IPMK: variants seen among roughly 807,000 people sequenced by gnomAD.
IPMK encodes inositol polyphosphate multikinase, also known as inositol 1,3,4,6-tetrakisphosphate 5-kinase.
IPMK carries 17 observed loss-of-function variants against 45.8 expected under a neutral mutation model. The ratio of observed to expected loss-of-function variants is 0.37; its 90% CI spans 0.25 to 0.56. The LOEUF is 0.56. Ranked by LOEUF, IPMK falls within the 20% of genes least tolerant of loss-of-function variation. IPMK has a pLI of 0.79. For synonymous variants in IPMK, 180 were observed against 184.3 expected (o/e 0.98, Z 0.19); for missense variants, 399 against 498.0 (o/e 0.80, Z 1.89).
At chr10:58,234,645 C>G (rs543888166) in intron 2 of IPMK, among the ~76,000 whole-genome samples, 1 of 152,290 alleles carries the variant, frequency 6.6e-6, no homozygotes, top group East Asian at 1.9e-4. Flanking sequence ...CCCTTCCTTA[C>G]ACCTTATACA....
chr10:58,207,790 G>A (rs1260820629), intron 4 of IPMK, among the ~76,000 whole-genome samples: 1 of 152,082 alleles, frequency 6.6e-6, no homozygotes, highest in African/African-American at 2.4e-5. Context: ...TGCGTTTCTT[G>A]TAATTGATGT....
chr10:58,201,020 T>C (rs1837988797), intron 4 of IPMK, among the ~76,000 whole-genome samples: 2 of 152,192 alleles, frequency 1.3e-5, no homozygotes, highest in African/African-American at 4.8e-5. Flanking sequence ...AAAAACTGTT[T>C]GAAATTTATT....
chr10:58,219,108 C>A lies in IPMK; in HGVS notation c.374-2791G>T, dbSNP rs1489152525. ...TATGGTTGGAATTACCAAATAACTG[C>A]TAAATTATTTCTTATTCGCCTTCAG... On this transcript the variant is annotated intron_variant, in intron 3 of 5. Coordinates refer to ENST00000373935, the MANE Select transcript of IPMK (RefSeq NM_152230.5). Among the ~76,000 whole-genome samples the A allele has an allele frequency of 2.0e-5, 3 of 152,200 alleles. No individual in the cohort carries two copies. In the East Asian group the frequency reaches 5.8e-4, roughly 29 times the overall value.
intron 4 of IPMK, among the ~76,000 whole-genome samples, chr10:58,214,807 C>G (rs1236110198): frequency 2.0e-5 from 3 of 152,208 alleles, no homozygotes; most frequent in Non-Finnish European, 4.4e-5. Context: ...GAAGATGCAG[C>G]ATTTGTTTAG....
chr10:58,267,447 C>G lies in IPMK; in HGVS notation c.165G>C (p.Gly55=). 2 of 1,613,910 alleles carry G rather than the reference C, an allele frequency of 1.2e-6. No homozygotes were observed. The highest frequency in any genetic ancestry group is 2.2e-5 in the South Asian group (2 of 91,058). ...GCVPLSHQVA[G]HMYGKDKVGI... Reference sequence around the variant, plus strand: ...CCACTTTGTCCTTCCCGTACATGTGCCCGGCCACCTGATGCGAGAGGGGCA... The same window carrying G: ...CCACTTTGTCCTTCCCGTACATGTGGCCGGCCACCTGATGCGAGAGGGGCA... Residue 55 remains glycine (G), a synonymous_variant, in exon 1 of 6, where the codon GGG becomes GGC. Transcript: ENST00000373935.
At chr10:58,208,950 G>C (rs1838115313) in intron 4 of IPMK, among the ~76,000 whole-genome samples, 1 of 152,206 alleles carries the variant, frequency 6.6e-6, no homozygotes, top group African/African-American at 2.4e-5. Context: ...TCAGAGTGAA[G>C]AGTGGGAACT....
chr10:58,258,708 G>A (rs151266374), intron 1 of IPMK, among the ~76,000 whole-genome samples: 46 of 152,078 alleles, frequency 3.0e-4, no homozygotes, highest in East Asian at 7.7e-4. Flanking sequence ...TTTGTGAAAC[G>A]CAGCTAATAT....
chr10:58,267,422 C>T lies in IPMK; in HGVS notation c.190G>A (p.Gly64Ser), dbSNP rs1839165738. ...AGHMYGKDKV[G>S]ILQHPDGTVL... The stretch of plus-strand genomic sequence containing the variant: ...CGAGACCTATGCCACCCCCACTTAC[C>T]CACTTTGTCCTTCCCGTACATGTGC... The change falls in exon 1 of 6, where the codon GGT (glycine) becomes AGT (serine). Residue 64 changes from glycine to serine, a missense_variant and splice_region_variant. Physicochemically the swap from Gly to Ser is moderately conservative, Grantham distance 56. This residue lies in a region of IPMK where 111 missense variants were observed against 99.9 expected (regional missense o/e 1.11). Transcript: ENST00000373935. The T allele has an allele frequency of 1.2e-6, 2 of 1,613,680 alleles. No homozygotes were observed. Among genetic ancestry groups the T allele is most frequent in the African/African-American group, 2.7e-5 (2 of 74,940 alleles).
At chr10:58,197,649 C>CA (rs58947213) in intron 5 of IPMK, among the ~76,000 whole-genome samples, 38 of 78,108 alleles carry the variant, frequency 4.9e-4, no homozygotes, top group Non-Finnish European at 8.4e-4. Context: ...GACTCCGTCT[C>CA]AAAAAAAAAA....
chr10:58,254,231 TTTTC>T (rs1838930314), intron 1 of IPMK, among the ~76,000 whole-genome samples: 1 of 147,542 alleles, frequency 6.8e-6, no homozygotes, highest in African/African-American at 2.7e-5. Context: ...TTCTTTATTC[TTTTC>T]TTTTTGCTCC....
At chr10:58,216,413 A>C in intron 3 of IPMK, 96 bp from the exon 4 acceptor site, 1 of 526,278 alleles carries the variant, frequency 1.9e-6, no homozygotes, top group Non-Finnish European at 3.1e-6. Context: ...CCTAAAACAG[A>C]GAAAAAAGTT....
chr10:58,196,822 A>T (rs1390864605), intron 5 of IPMK, 124 bp from the exon 6 acceptor site: 1 of 690,792 alleles, frequency 1.4e-6, no homozygotes, highest in Non-Finnish European at 2.4e-6. Context: ...TGAACAGTTA[A>T]TCCTAGAATT....
chr10:58,235,893 C>A (rs558881524), intron 2 of IPMK, among the ~76,000 whole-genome samples: 2 of 150,794 alleles, frequency 1.3e-5, no homozygotes, highest in Non-Finnish European at 3.0e-5. Flanking sequence ...TTCTATCAAG[C>A]CTTTAAGGAA....
At position 58,267,752 on chromosome 10, in the gene IPMK, CG is replaced by C; in HGVS notation, c.-142del. ...CCCGCGGCTGGTGCCCTCTGAAGCG[CG>C]GGGAGGGGGCCCATGACGCCGCCGG... On this transcript the variant is annotated 5_prime_UTR_variant, in exon 1 of 6. The change abolishes the stop of an existing upstream ORF in the 5' untranslated region. Coordinates refer to ENST00000373935, the MANE Select transcript of IPMK (RefSeq NM_152230.5). 1 of 584,968 alleles carries C rather than the reference CG, an allele frequency of 1.7e-6. No homozygotes were observed. The allele number at this position is 584,968 out of a possible 1,614,324, so 36.2% of individuals were successfully genotyped here.
chr10:58,253,857 C>T (rs1838923624), intron 1 of IPMK, among the ~76,000 whole-genome samples: 1 of 152,104 alleles, frequency 6.6e-6, no homozygotes, highest in African/African-American at 2.4e-5. Flanking sequence ...ATATAGCACT[C>T]CAGTCTCTCC....
rs142776148 is a variant in IPMK at position 58,226,842 on chromosome 10, T to C, written c.373+201A>G. ...CAACTATAAGAGATTGGCCATTTAC[T>C]TGTATATGCCATTTTAGAAATGGTT... On this transcript the variant is annotated intron_variant, in intron 3 of 5. Transcript: ENST00000373935. Among the ~76,000 whole-genome samples the C allele has an allele frequency of 0.011, 1,702 of 152,322 alleles. 12 individuals are homozygous for C. The highest frequency in any genetic ancestry group is 0.014 in the Non-Finnish European group (919 of 68,010).
chr10:58,234,522 C>T (rs1246876209), intron 2 of IPMK, among the ~76,000 whole-genome samples: 3 of 152,164 alleles, frequency 2.0e-5, no homozygotes, highest in Non-Finnish European at 4.4e-5. Flanking sequence ...ACATCCACAA[C>T]CATCTGATCT....
intron 1 of IPMK, among the ~76,000 whole-genome samples, chr10:58,245,058 AT>A (rs1448317116): frequency 3.7e-5 from 5 of 133,526 alleles, no homozygotes; most frequent in South Asian, 2.3e-4. Context: ...AAAAAAAAAA[AT>A]AATAAAATAA....
intron 4 of IPMK, among the ~76,000 whole-genome samples, chr10:58,204,978 G>T (rs1465256799): frequency 6.6e-6 from 1 of 151,996 alleles, no homozygotes. Context: ...TATTCACTGG[G>T]GGAATAACAG....
Sources: gnomAD v4.1 joint callset for allele counts (sites outside exome capture counted in the v4.1 genomes callset) on GRCh38, gnomAD v4.1.1 for gene constraint, gnomAD v4.1.1 regional missense constraint, MANE v1.5 for transcripts, NCBI Gene and HGNC (gene_info 2026-07-23, HGNC 2026-07-21) for gene names.